ITGA9: variants seen among roughly 807,000 people sequenced by gnomAD.
ITGA9 encodes the protein integrin alpha-9.
ITGA9 carries 56 observed loss-of-function variants against 127.8 expected under a neutral mutation model. That is an observed-to-expected ratio of 0.44 (90% CI 0.35 to 0.55). ITGA9 has a LOEUF of 0.55. Among genes scored for constraint, ITGA9 ranks in the 20% least tolerant of loss-of-function variants. The probability of loss-of-function intolerance (pLI) is 0.00; values close to 1 mark genes in which losing one functional copy is unlikely to be tolerated. For synonymous variants in ITGA9, 508 were observed against 514.5 expected, an observed-to-expected ratio of 0.99 and a Z score of 0.17; for missense variants, 1,196 against 1,347.1, an observed-to-expected ratio of 0.89 and a Z score of 1.76.
At chr3:37,520,155 T>A (rs1699029413) in intron 11 of ITGA9, among the ~76,000 whole-genome samples, 1 of 152,204 alleles carries the variant, frequency 6.6e-6, no homozygotes, top group African/African-American at 2.4e-5. Context: ...AACTTCTACA[T>A]GAATAATTGT....
intron 18 of ITGA9, among the ~76,000 whole-genome samples, chr3:37,724,283 G>A (rs1298111541): frequency 3.3e-5 from 5 of 152,016 alleles, no homozygotes; most frequent in Non-Finnish European, 7.4e-5. Context: ...ACCCAAATGA[G>A]GCAAATTCTT....
chr3:37,744,389 GC>G (rs1696475507), intron 22 of ITGA9, among the ~76,000 whole-genome samples: 1 of 152,200 alleles, frequency 6.6e-6, no homozygotes, highest in Admixed American at 6.5e-5. Context: ...GGGCAGGGCT[GC>G]CTCAGAGGAT....
chr3:37,633,939 A>G (rs1270839025), intron 16 of ITGA9, among the ~76,000 whole-genome samples: 2 of 152,208 alleles, frequency 1.3e-5, no homozygotes, highest in Non-Finnish European at 2.9e-5. Flanking sequence ...TGTGAAGTCA[A>G]AAAATCGTAG....
At chr3:37,525,808 GCCACATTTCA>G (rs1699086887) in intron 12 of ITGA9, among the ~76,000 whole-genome samples, 3 of 152,178 alleles carry the variant, frequency 2.0e-5, no homozygotes, top group Admixed American at 2.0e-4. Context: ...ACTGAGACTA[GCCACATTTCA>G]AGGCCCCAGT....
intron 15 of ITGA9, among the ~76,000 whole-genome samples, chr3:37,588,890 T>C (rs556346814): frequency 7.1e-4 from 108 of 152,298 alleles, no homozygotes; most frequent in African/African-American, 2.5e-3. Flanking sequence ...CTGAGCATCA[T>C]CCTCGTGGCA....
At chr3:37,744,433 C>G (rs539733057) in intron 22 of ITGA9, among the ~76,000 whole-genome samples, 1 of 152,328 alleles carries the variant, frequency 6.6e-6, no homozygotes, top group African/African-American at 2.4e-5. Context: ...GATTTTCTTG[C>G]CAGCTCATCC....
intron 17 of ITGA9, among the ~76,000 whole-genome samples, chr3:37,683,661 C>A (rs1380226732): frequency 6.6e-6 from 1 of 152,178 alleles, no homozygotes; most frequent in Non-Finnish European, 1.5e-5. Context: ...GTGAGTTAGG[C>A]AAGGTAGAAC....
Position 37,523,954 on chromosome 3 carries a change from A to G in ITGA9, c.1327+343A>G, listed in dbSNP as rs886440360. Among the ~76,000 whole-genome samples, 4 of 152,280 alleles carry G rather than the reference A, an allele frequency of 2.6e-5. No homozygotes were observed. In the East Asian group the frequency reaches 7.7e-4, roughly 29 times the overall value. The stretch of plus-strand genomic sequence containing the variant: ...TTTCCTTTGTATTTAACCACATTCA[A>G]AGGCTTCTTACTCTTGAGAGGGAAA... On this transcript the variant is annotated intron_variant, in intron 12 of 27. Transcript: ENST00000264741.
intron 16 of ITGA9, among the ~76,000 whole-genome samples, chr3:37,641,750 C>T (rs1474636555): frequency 2.0e-5 from 3 of 152,174 alleles, no homozygotes; most frequent in African/African-American, 7.2e-5. Flanking sequence ...CACCCGCATA[C>T]TGCATTCCCA....
chr3:37,617,166 A>G (rs1319583963), intron 15 of ITGA9, among the ~76,000 whole-genome samples: 2 of 152,204 alleles, frequency 1.3e-5, no homozygotes, highest in Non-Finnish European at 2.9e-5. Flanking sequence ...TGGTGGTGAC[A>G]AAATCTCTCA....
chr3:37,580,381 C>T (rs547195828), intron 15 of ITGA9, among the ~76,000 whole-genome samples: 1 of 152,322 alleles, frequency 6.6e-6, no homozygotes, highest in Non-Finnish European at 1.5e-5. Context: ...GAAACTCTGA[C>T]AGCCAGACTT....
At chr3:37,608,630 T>C (rs978920462) in intron 15 of ITGA9, among the ~76,000 whole-genome samples, 1 of 152,206 alleles carries the variant, frequency 6.6e-6, no homozygotes, top group African/African-American at 2.4e-5. Flanking sequence ...AATCGTGCTG[T>C]GTTTAAAGTT....
At chr3:37,579,771 C>T (rs1467873615) in intron 15 of ITGA9, among the ~76,000 whole-genome samples, 2 of 152,068 alleles carry the variant, frequency 1.3e-5, no homozygotes, top group African/African-American at 4.8e-5. Context: ...ATTTGGAAGC[C>T]AGGAGCTTAT....
intron 15 of ITGA9, among the ~76,000 whole-genome samples, chr3:37,544,230 T>C (rs898786074): frequency 6.6e-6 from 1 of 152,176 alleles, no homozygotes; most frequent in African/African-American, 2.4e-5. Flanking sequence ...GTGGCAATAG[T>C]GAAGTGCAGG....
At chr3:37,706,283 C>T (rs1206091758) in intron 18 of ITGA9, among the ~76,000 whole-genome samples, 5 of 152,182 alleles carry the variant, frequency 3.3e-5, no homozygotes, top group South Asian at 2.1e-4. Context: ...TCTCCCTTTC[C>T]GTCTCAGTTG....
At chr3:37,555,687 T>A (rs961917323) in intron 15 of ITGA9, among the ~76,000 whole-genome samples, 1 of 152,254 alleles carries the variant, frequency 6.6e-6, no homozygotes, top group Non-Finnish European at 1.5e-5. Context: ...CTGTTTCACG[T>A]TGTACTTAGA....
chr3:37,735,647 G>A (rs1696350289), intron 19 of ITGA9, among the ~76,000 whole-genome samples: 1 of 152,122 alleles, frequency 6.6e-6, no homozygotes, highest in Admixed American at 6.5e-5. Flanking sequence ...TCAGTTTGTG[G>A]TGGAACCTGG....
At chr3:37,477,053 A>G (rs932462558) in intron 3 of ITGA9, among the ~76,000 whole-genome samples, 1 of 152,208 alleles carries the variant, frequency 6.6e-6, no homozygotes, top group African/African-American at 2.4e-5. Context: ...CAAAAACAAG[A>G]TACAGTGAGT....
intron 4 of ITGA9, among the ~76,000 whole-genome samples, chr3:37,484,647 A>G (rs993036034): frequency 6.6e-6 from 1 of 151,972 alleles, no homozygotes; most frequent in Non-Finnish European, 1.5e-5. Context: ...TTTCTTTCTA[A>G]TCTGTTATTC....
Sources: gnomAD v4.1 joint callset for allele counts (sites outside exome capture counted in the v4.1 genomes callset) on GRCh38, gnomAD v4.1.1 for gene constraint, MANE v1.5 for transcripts, NCBI Gene and HGNC (gene_info 2026-07-23, HGNC 2026-07-21) for gene names.